RELN: variants seen among roughly 807,000 people sequenced by gnomAD.
RELN encodes the protein reelin.
In RELN, 108 loss-of-function variants were observed where a neutral mutation model predicts 427.6. The ratio of observed to expected loss-of-function variants is 0.25; its 90% CI spans 0.22 to 0.30. The LOEUF (loss-of-function observed/expected upper bound fraction) is 0.30, where lower values mean the gene tolerates loss of function less well. Ranked by LOEUF, RELN falls within the 10% of genes least tolerant of loss-of-function variation. The probability of loss-of-function intolerance (pLI) is 1.00; values close to 1 mark genes in which losing one functional copy is unlikely to be tolerated. For synonymous variants in RELN, 1,524 were observed against 1,513.4 expected, an observed-to-expected ratio of 1.01 and a Z score of -0.16; for missense variants, 3,715 against 4,302.8, an observed-to-expected ratio of 0.86 and a Z score of 3.82.
intron 10 of RELN, among the ~76,000 whole-genome samples, chr7:103,693,586 A>AT (rs1833917260): frequency 6.6e-6 from 1 of 152,066 alleles, no homozygotes; most frequent in Admixed American, 6.6e-5. Flanking sequence ...AAGGTAAAAA[A>AT]AATTAAAAAG....
intron 6 of RELN, among the ~76,000 whole-genome samples, chr7:103,736,366 T>G (rs536464365): frequency 7.2e-5 from 11 of 152,366 alleles, no homozygotes; most frequent in Non-Finnish European, 1.3e-4. Context: ...TTTGTAAATG[T>G]GGAATCTTTT....
At chr7:103,923,689 C>A (rs572986649) in intron 1 of RELN, among the ~76,000 whole-genome samples, 1 of 152,168 alleles carries the variant, frequency 6.6e-6, no homozygotes, top group African/African-American at 2.4e-5. Context: ...ATAAGGGGCA[C>A]GATGAGGAAG....
chr7:103,944,103 CCTTA>C (rs1796171089), intron 1 of RELN, among the ~76,000 whole-genome samples: 1 of 151,944 alleles, frequency 6.6e-6, no homozygotes, highest in Non-Finnish European at 1.5e-5. Context: ...CTTGAGAAAC[CCTTA>C]CTTACTGCAG....
intron 24 of RELN, among the ~76,000 whole-genome samples, chr7:103,602,645 C>T (rs1207881445): frequency 1.3e-5 from 2 of 151,740 alleles, no homozygotes; most frequent in Admixed American, 6.6e-5. Flanking sequence ...AGAACATGGC[C>T]ACAGGGAGGG....
chr7:103,588,088 C>T (rs756104796), intron 28 of RELN, among the ~76,000 whole-genome samples: 9 of 152,116 alleles, frequency 5.9e-5, no homozygotes, highest in African/African-American at 7.2e-5. Flanking sequence ...CCTGCACTTT[C>T]GTGTTTATTG....
At chr7:103,741,380 A>C in intron 6 of RELN, among the ~76,000 whole-genome samples, 1 of 152,006 alleles carries the variant, frequency 6.6e-6, no homozygotes, top group Admixed American at 6.6e-5. Context: ...AGATTTTATA[A>C]TATAAATATA....
chr7:103,591,649 GTGGTGAGAGCAGCCACATTGGGCA>G, intron 27 of RELN, among the ~76,000 whole-genome samples: 1 of 152,242 alleles, frequency 6.6e-6, no homozygotes, highest in South Asian at 2.1e-4. Flanking sequence ...TGGTTGGTGT[GTGGTGAGAGCAGCCACATTGGGCA>G]CACCTAGTTA....
intron 11 of RELN, among the ~76,000 whole-genome samples, chr7:103,678,571 T>C (rs1270852094): frequency 6.6e-6 from 1 of 152,152 alleles, no homozygotes; most frequent in African/African-American, 2.4e-5. Context: ...TGGGAAAATA[T>C]GGATAATTGG....
intron 28 of RELN, among the ~76,000 whole-genome samples, chr7:103,585,328 A>G (rs1562905868): frequency 6.6e-6 from 1 of 152,202 alleles, no homozygotes; most frequent in Non-Finnish European, 1.5e-5. Context: ...AGATGAAAAG[A>G]GAGAAGATTC....
chr7:103,595,213 G>C (rs1483704002), intron 25 of RELN, among the ~76,000 whole-genome samples: 6 of 152,100 alleles, frequency 3.9e-5, no homozygotes, highest in African/African-American at 1.4e-4. Context: ...AATAATTTCA[G>C]ATTCACATAT....
chr7:103,931,100 C>T (rs1795854578), intron 1 of RELN, among the ~76,000 whole-genome samples: 1 of 152,080 alleles, frequency 6.6e-6, no homozygotes, highest in South Asian at 2.1e-4. Context: ...TATATAGTTT[C>T]AGTGCATCCT....
chr7:103,497,372 A>G (rs986206529), intron 55 of RELN, among the ~76,000 whole-genome samples: 4 of 152,246 alleles, frequency 2.6e-5, no homozygotes, highest in African/African-American at 9.6e-5. Flanking sequence ...ACAGAATTCT[A>G]TTAAAATATT....
chr7:103,760,193 G>A (rs1162286720), intron 4 of RELN, among the ~76,000 whole-genome samples: 1 of 151,338 alleles, frequency 6.6e-6, no homozygotes, highest in African/African-American at 2.4e-5. Flanking sequence ...TTAAATTGAA[G>A]CCTAAATTCC....
intron 8 of RELN, among the ~76,000 whole-genome samples, chr7:103,705,994 G>A (rs1032704474): frequency 1.3e-5 from 2 of 152,092 alleles, no homozygotes; most frequent in Non-Finnish European, 2.9e-5. Flanking sequence ...ATGCCTGATC[G>A]TATTTGTTCA....
chr7:103,747,642 CTT>C (rs541976561), intron 6 of RELN, among the ~76,000 whole-genome samples: 23,473 of 123,692 alleles, frequency 0.19, 2,170 homozygotes, highest in African/African-American at 0.3. Flanking sequence ...CCTACTCTCA[CTT>C]TTTTTTTTTT....
intron 3 of RELN, among the ~76,000 whole-genome samples, chr7:103,785,329 C>T (rs1220049797): frequency 6.6e-6 from 1 of 152,094 alleles, no homozygotes; most frequent in East Asian, 1.9e-4. Flanking sequence ...AAGAACAAAA[C>T]TGGAAAAATG....
At chr7:103,865,085 G>A (rs1165768223) in intron 2 of RELN, among the ~76,000 whole-genome samples, 1 of 146,544 alleles carries the variant, frequency 6.8e-6, no homozygotes, top group Non-Finnish European at 1.5e-5. Flanking sequence ...AATGAGCCGA[G>A]GTCATGCCAT....
At chr7:103,605,290 C>T (rs979463270) in intron 22 of RELN, among the ~76,000 whole-genome samples, 6 of 152,114 alleles carry the variant, frequency 3.9e-5, no homozygotes, top group Non-Finnish European at 7.4e-5. Flanking sequence ...GGACATACCA[C>T]AATGTACTAT....
chr7:103,574,287 G>A lies in RELN; in HGVS notation c.4316C>T (p.Thr1439Ile), dbSNP rs1189203024. ...CDLGYTAAQG[T>I]CVSNVPNHNE... ...GTGATTGGGGACATTTGACACACAG[G>A]TTCCTTGTGCAGCTTCAGAAAAAGA... is the stretch of plus-strand genomic sequence containing the variant. The change falls in exon 30 of 65, where the codon ACC becomes ATC. Residue 1439 changes from threonine (T) to isoleucine (I), a missense_variant. Thr to Ile is a moderately conservative substitution (Grantham distance 89). Transcript: ENST00000428762. 6.2e-7 allele frequency: 1 copy of A among 1,613,984 alleles called. No individual in the cohort carries two copies. Among genetic ancestry groups the A allele is most frequent in the Admixed American group, 1.7e-5 (1 of 60,018 alleles).
Sources: allele counts gnomAD v4.1 joint callset (sites outside exome capture counted in the v4.1 genomes callset), GRCh38; gene constraint gnomAD v4.1.1; transcripts MANE v1.5; gene names NCBI Gene and HGNC (gene_info 2026-07-23, HGNC 2026-07-21).